The following ADCY10 variants were observed in gnomAD, a reference collection of about 807,000 sequenced individuals.
The protein encoded by ADCY10 is adenylate cyclase 10, also known as adenylate cyclase type 10.
ADCY10 carries 156 observed loss-of-function variants against 183.3 expected under a neutral mutation model. The ratio of observed to expected loss-of-function variants is 0.85; its 90% confidence interval spans 0.75 to 0.97. The LOEUF is 0.97. Ranked by LOEUF, ADCY10 falls within the 50% of genes least tolerant of loss-of-function variation. The probability of loss-of-function intolerance (pLI) is 0.00; values close to 1 mark genes in which losing one functional copy is unlikely to be tolerated. For synonymous variants in ADCY10, 645 were observed against 670.0 expected (o/e 0.96, Z 0.58); for missense variants, 1,745 against 1,934.3 (o/e 0.90, Z 1.84).
chr1:167,869,833 C>G lies in ADCY10; in HGVS notation c.1616+424G>C, dbSNP rs551823344. On this transcript the variant is annotated intron_variant, in intron 14 of 32. Transcript: ENST00000367851. Reference sequence around the variant, plus strand: ...TGAGACGCTAGCCTGCCGATTCTCCCAGCTGATTAAAGCCACTCCCTTCAC... The same window carrying G: ...TGAGACGCTAGCCTGCCGATTCTCCGAGCTGATTAAAGCCACTCCCTTCAC... 4.7e-3 allele frequency among the ~76,000 whole-genome samples: 713 copies of G among 152,112 alleles called. 8 individuals carry two copies. The highest frequency in any genetic ancestry group is 0.016 in the African/African-American group (683 of 41,496).
chr1:167,823,149 A>G (rs1663023834), intron 28 of ADCY10, 26 bp from the exon 29 acceptor site: 1 of 1,597,468 alleles, frequency 6.3e-7, no homozygotes, highest in Admixed American at 1.7e-5. Context: ...GGTAGTGGCC[A>G]TTAAAAAGTG....
At position 167,845,864 on chromosome 1, in the gene ADCY10, C is replaced by T; in HGVS notation, c.2717-11G>A. On this transcript the variant is annotated splice_polypyrimidine_tract_variant and intron_variant, in intron 20 of 32. Coordinates refer to ENST00000367851, the MANE Select transcript of ADCY10 (RefSeq NM_018417.6). ...CCTCTTCACCGTGATCTGGAGAGAG[C>T]AAAAAGGGTTTTTCAGCCAGGCAGT... 1 of 1,613,994 alleles carries T rather than the reference C, an allele frequency of 6.2e-7. No homozygotes were observed. The highest frequency in any genetic ancestry group is 8.5e-7 in the Non-Finnish European group (1 of 1,180,006).
At chr1:167,828,790 C>T (rs112342166) in intron 26 of ADCY10, among the ~76,000 whole-genome samples, 12 of 152,122 alleles carry the variant, frequency 7.9e-5, no homozygotes, top group African/African-American at 2.2e-4. Flanking sequence ...GGTGAAACCC[C>T]GTCTCTACTA....
intron 1 of ADCY10, among the ~76,000 whole-genome samples, chr1:167,910,521 G>A (rs555514699): frequency 6.6e-6 from 1 of 152,204 alleles, no homozygotes; most frequent in Non-Finnish European, 1.5e-5. Flanking sequence ...TGTAATGTGG[G>A]ACCCTGCAAT....
rs1322900375 is a variant in ADCY10, at chr1:167,896,707, T to C, written c.643-16A>G. The C allele has an allele frequency of 1.3e-6, 2 of 1,531,636 alleles. No homozygotes were observed. Among genetic ancestry groups the C allele is most frequent in the African/African-American group, 1.4e-5 (1 of 73,016 alleles). The allele number at this position is 1,531,636 out of a possible 1,614,324, so 94.9% of individuals were successfully genotyped here. A position where few individuals can be genotyped will look rare whatever the true frequency, so the allele number is the denominator to read the frequency against. On this transcript the variant is annotated splice_polypyrimidine_tract_variant and intron_variant, in intron 6 of 32. Transcript: ENST00000367851. Reference sequence around the variant, plus strand: ...AGAAGTTAACCTAAATAAAAGCAAATGAGAAGTTTTCAGTTATTCTGAGAA... The same window carrying C: ...AGAAGTTAACCTAAATAAAAGCAAACGAGAAGTTTTCAGTTATTCTGAGAA...
At position 167,854,339 on chromosome 1, in the gene ADCY10, A is replaced by G; in HGVS notation, c.2308+14T>C. ...CAGAACAGAGTAAGAAAGAACCATC[A>G]CCGCAGGACTTACTGAACAGGTTAT... On this transcript the variant is annotated intron_variant, in intron 18 of 32. Coordinates refer to ENST00000367851, the MANE Select transcript of ADCY10 (RefSeq NM_018417.6). 6.2e-7 allele frequency: 1 copy of G among 1,614,054 alleles called. No homozygotes were observed. The highest frequency in any genetic ancestry group is 1.3e-5 in the African/African-American group (1 of 75,024).
intron 26 of ADCY10, among the ~76,000 whole-genome samples, chr1:167,825,322 CT>C (rs34844073): frequency 0.04 from 5,672 of 141,348 alleles, 164 homozygotes; most frequent in East Asian, 0.16. Context: ...GTTTGTTTGG[CT>C]TTTTTTTTTT....
rs774463686 is a variant in ADCY10 at position 167,836,423 on chromosome 1, C to A, written c.3195G>T (p.Glu1065Asp). The A allele has an allele frequency of 6.2e-7, 1 of 1,614,026 alleles. No individual in the cohort carries two copies. ...GGTGGGCCAGAGGCAAGATGACAAT[C>A]TCTAGGATTTCTTCACACTGGCAAG... ...LESCQCEEIL[E>D]IVILPLAHHF... The change falls in exon 23 of 33, where the codon GAG becomes GAT. Residue 1065 changes from glutamate (E) to aspartate (D), a missense_variant. Transcript: ENST00000367851.
intron 8 of ADCY10, among the ~76,000 whole-genome samples, chr1:167,885,442 C>T (rs61806997): frequency 0.17 from 25,308 of 152,138 alleles, 2,561 homozygotes; most frequent in South Asian, 0.31. Context: ...CACATCCTGT[C>T]CAGCGTTTGT....
chr1:167,870,806 T>TAA (rs397940719), intron 13 of ADCY10, among the ~76,000 whole-genome samples: 18 of 129,012 alleles, frequency 1.4e-4, no homozygotes, highest in African/African-American at 3.4e-4. Context: ...AAACTCCATC[T>TAA]AAAAAAAAAA....
rs138663710 is a variant in ADCY10 at position 167,845,861 on chromosome 1, G to A, written c.2717-8C>T. 2.0e-5 allele frequency: 32 copies of A among 1,614,034 alleles called. No individual in the cohort carries two copies. The highest frequency in any genetic ancestry group is 3.3e-4 in the Middle Eastern group (2 of 6,062). ...GTTCCTCTTCACCGTGATCTGGAGA[G>A]AGCAAAAAGGGTTTTTCAGCCAGGC... On this transcript the variant is annotated splice_region_variant and splice_polypyrimidine_tract_variant and intron_variant, in intron 20 of 32. Coordinates refer to ENST00000367851, the MANE Select transcript of ADCY10 (RefSeq NM_018417.6).
chr1:167,883,738 G>T (rs1357954786), intron 8 of ADCY10, 110 bp from the exon 9 acceptor site: 14 of 965,574 alleles, frequency 1.4e-5, no homozygotes, highest in Non-Finnish European at 2.1e-5. Context: ...ACCTCAGAAT[G>T]GGTGAGGTAC....
chr1:167,912,762 A>C (rs1237995441), intron 1 of ADCY10, among the ~76,000 whole-genome samples: 3 of 152,168 alleles, frequency 2.0e-5, no homozygotes, highest in Admixed American at 2.0e-4. Flanking sequence ...CGGGATGAGG[A>C]CTAAGAACCT....
chr1:167,856,295 C>A lies in ADCY10; in HGVS notation c.2041G>T (p.Ala681Ser), dbSNP rs1665887411. 6.2e-7 allele frequency: 1 copy of A among 1,613,846 alleles called. No homozygotes were observed. Among genetic ancestry groups the A allele is most frequent in the African/African-American group, 1.3e-5 (1 of 74,872 alleles). The stretch of plus-strand genomic sequence containing the variant: ...TTCTTTATTACGGCCCTGGCAGCTG[C>A]ACAGGGAATGTTAACGAAGGGACAC... ...SLCPFVNIPC[A>S]AARAVIKNRN... Residue 681 changes from alanine to serine, a missense_variant, in exon 17 of 33, where the codon GCA becomes TCA. Coordinates refer to ENST00000367851, the MANE Select transcript of ADCY10 (RefSeq NM_018417.6).
chr1:167,904,793 C>T, intron 2 of ADCY10, 200 bp downstream of exon 2: 2 of 671,210 alleles, frequency 3.0e-6, no homozygotes, highest in South Asian at 1.8e-5. Context: ...CTATGACTGG[C>T]AGTCCTGAGT....
At chr1:167,909,481 C>T (rs547251723) in intron 1 of ADCY10, among the ~76,000 whole-genome samples, 22 of 152,252 alleles carry the variant, frequency 1.4e-4, no homozygotes, top group Admixed American at 3.3e-4. Flanking sequence ...GGGCCACATG[C>T]GGTCCAGGAT....
chr1:167,872,030 A>G lies in ADCY10; in HGVS notation c.1463-1620T>C, dbSNP rs911160704. On this transcript the variant is annotated intron_variant, in intron 13 of 32. Coordinates refer to ENST00000367851, the MANE Select transcript of ADCY10 (RefSeq NM_018417.6). ...AGAACTTAAAGTATAATAATAAAAA[A>G]TAAATAAATAAAAAATAATAAAGTT... is the stretch of plus-strand genomic sequence containing the variant. Among the ~76,000 whole-genome samples the G allele has an allele frequency of 2.0e-5, 3 of 152,148 alleles. No homozygotes were observed. In the East Asian group the frequency reaches 5.8e-4, roughly 29 times the overall value.
intron 21 of ADCY10, among the ~76,000 whole-genome samples, chr1:167,843,414 C>T (rs1467274145): frequency 6.6e-6 from 1 of 151,938 alleles, no homozygotes; most frequent in Admixed American, 6.6e-5. Context: ...ATTCTTCTTT[C>T]CCCTTTCCCT....
At chr1:167,840,069 A>G (rs1664502839) in intron 21 of ADCY10, among the ~76,000 whole-genome samples, 1 of 151,104 alleles carries the variant, frequency 6.6e-6, no homozygotes, top group Non-Finnish European at 1.5e-5. Flanking sequence ...AAAAAAAAAG[A>G]AAAGAAAAAA....
Sources: allele counts gnomAD v4.1 joint callset (sites outside exome capture counted in the v4.1 genomes callset), GRCh38; gene constraint gnomAD v4.1.1; transcripts MANE v1.5; gene names NCBI Gene and HGNC (gene_info 2026-07-23, HGNC 2026-07-21).